Variants in SLC35D4 observed in about 807,000 individuals in gnomAD.
The protein encoded by SLC35D4 is solute carrier family 35 member D4.
At chr18:23,353,711 A>C in the SLC35D4 span, among the ~76,000 whole-genome samples, 1 of 152,122 alleles carries the variant, frequency 6.6e-6, no homozygotes, top group Admixed American at 6.6e-5. Context: ...AGTTACTCAC[A>C]CCCAAAAGGC....
chr18:23,347,298 T>C, the SLC35D4 span, among the ~76,000 whole-genome samples: 10 of 152,344 alleles, frequency 6.6e-5, no homozygotes, highest in Admixed American at 3.3e-4. Context: ...TTTTCTGTCA[T>C]AAAGTTATTC....
chr18:23,332,828 T>C, the SLC35D4 span, among the ~76,000 whole-genome samples: 2 of 152,148 alleles, frequency 1.3e-5, no homozygotes, highest in African/African-American at 4.8e-5. Flanking sequence ...CTGTGAAGTG[T>C]ATGCAATTAT....
the SLC35D4 span, among the ~76,000 whole-genome samples, chr18:23,418,386 T>TTATTATTATTA: frequency 7.0e-5 from 8 of 113,730 alleles, no homozygotes; most frequent in African/African-American, 2.5e-4. Flanking sequence ...TATTATTATT[T>TTATTATTATTA]TTTGAGACAG....
chr18:23,318,572 C>A, the SLC35D4 span, among the ~76,000 whole-genome samples: 3 of 152,134 alleles, frequency 2.0e-5, no homozygotes, highest in Non-Finnish European at 4.4e-5. Context: ...TCATGGTTTC[C>A]TTTTCATAGA....
At chr18:23,345,369 C>T in the SLC35D4 span, among the ~76,000 whole-genome samples, 1 of 151,550 alleles carries the variant, frequency 6.6e-6, no homozygotes. Flanking sequence ...GTAATCCCAG[C>T]TGCTCAGGAG....
the SLC35D4 span, chr18:23,352,291 T>C: frequency 6.2e-7 from 1 of 1,604,378 alleles, no homozygotes; most frequent in South Asian, 1.1e-5. Context: ...AAAAATCCAC[T>C]GGAAGGAGAA....
the SLC35D4 span, among the ~76,000 whole-genome samples, chr18:23,431,153 C>CAAAAAAAAA: frequency 3.0e-5 from 2 of 66,248 alleles, no homozygotes; most frequent in Non-Finnish European, 5.3e-5. Context: ...GAGTATATCT[C>CAAAAAAAAA]AAAAAAAAAA....
At chr18:23,394,223 T>C in the SLC35D4 span, among the ~76,000 whole-genome samples, 4 of 152,218 alleles carry the variant, frequency 2.6e-5, no homozygotes, top group Non-Finnish European at 5.9e-5. Context: ...ACACTTGTTA[T>C]TCTCTGGTTT....
chr18:23,295,559 A>G, the SLC35D4 span, among the ~76,000 whole-genome samples: 24 of 152,248 alleles, frequency 1.6e-4, 1 homozygote, highest in Admixed American at 6.5e-4. Context: ...GTTGAAAGCC[A>G]TATGTGTTAA....
At chr18:23,263,055 G>C in the SLC35D4 span, among the ~76,000 whole-genome samples, 1 of 152,206 alleles carries the variant, frequency 6.6e-6, no homozygotes, top group Non-Finnish European at 1.5e-5. Context: ...TAATGCACCT[G>C]TCCTCATTTA....
the SLC35D4 span, among the ~76,000 whole-genome samples, chr18:23,276,686 G>A: frequency 2.2e-4 from 34 of 152,268 alleles, no homozygotes; most frequent in African/African-American, 6.0e-4. Context: ...GGCACATACC[G>A]CCAAGTCAAC....
the SLC35D4 span, among the ~76,000 whole-genome samples, chr18:23,276,081 G>A: frequency 1.3e-5 from 2 of 151,696 alleles, no homozygotes; most frequent in African/African-American, 2.4e-5. Context: ...TTAAAAATGG[G>A]GAAAAGGGCA....
chr18:23,417,229 A>T, the SLC35D4 span, among the ~76,000 whole-genome samples: 1 of 148,810 alleles, frequency 6.7e-6, no homozygotes, highest in Non-Finnish European at 1.5e-5. Flanking sequence ...ACGACAGAGC[A>T]AGACCTTGCC....
the SLC35D4 span, among the ~76,000 whole-genome samples, chr18:23,271,210 G>A: frequency 0.069 from 10,526 of 152,208 alleles, 491 homozygotes; most frequent in African/African-American, 0.14. Context: ...CTCATCTGCC[G>A]CCATGTGAGA....
At chr18:23,415,757 C>G in the SLC35D4 span, among the ~76,000 whole-genome samples, 3 of 152,230 alleles carry the variant, frequency 2.0e-5, no homozygotes, top group Non-Finnish European at 4.4e-5. Context: ...TACAACAGCG[C>G]TATCTGTCCC....
At chr18:23,412,251 G>A in the SLC35D4 span, among the ~76,000 whole-genome samples, 1 of 152,148 alleles carries the variant, frequency 6.6e-6, no homozygotes, top group Non-Finnish European at 1.5e-5. Context: ...CCCAGGAGGT[G>A]GAGGTTGCAG....
chr18:23,246,516 C>T, the SLC35D4 span, among the ~76,000 whole-genome samples: 4 of 151,974 alleles, frequency 2.6e-5, no homozygotes, highest in Non-Finnish European at 5.9e-5. Flanking sequence ...GTCAGCCTCC[C>T]AAGTAGCTGG....
At chr18:23,271,891 C>T in the SLC35D4 span, among the ~76,000 whole-genome samples, 1 of 152,186 alleles carries the variant, frequency 6.6e-6, no homozygotes, top group Non-Finnish European at 1.5e-5. Flanking sequence ...GAAGGTTTTG[C>T]ACTCAGAGTG....
the SLC35D4 span, chr18:23,257,483 G>A: frequency 3.1e-5 from 37 of 1,197,822 alleles, no homozygotes; most frequent in East Asian, 5.3e-5. Flanking sequence ...TCTTCCTCTC[G>A]ACATAGTTTG....
Sources: gnomAD v4.1 joint callset for allele counts (sites outside exome capture counted in the v4.1 genomes callset) on GRCh38, gnomAD v4.1.1 for gene constraint, MANE v1.5 for transcripts, NCBI Gene and HGNC (gene_info 2026-07-23, HGNC 2026-07-21) for gene names.